MAST4: variants seen among roughly 807,000 people sequenced by gnomAD.
The protein encoded by MAST4 is microtubule-associated serine/threonine-protein kinase 4.
In MAST4, 89 loss-of-function variants were observed where a neutral mutation model predicts 162.7. The observed-to-expected ratio is 0.55, with a 90% CI of 0.46 to 0.65. The LOEUF is 0.65. Among genes scored for constraint, MAST4 ranks in the 30% least tolerant of loss-of-function variants. MAST4 has a pLI of 0.00. For synonymous variants in MAST4, 1,479 were observed against 1,361.1 expected, an observed-to-expected ratio of 1.09 and a Z score of -1.91; for missense variants, 3,153 against 3,374.0, an observed-to-expected ratio of 0.93 and a Z score of 1.62.
At chr5:66,775,450 A>G (rs1395479478) in intron 2 of MAST4, among the ~76,000 whole-genome samples, 2 of 152,226 alleles carry the variant, frequency 1.3e-5, no homozygotes, top group Non-Finnish European at 2.9e-5. Flanking sequence ...AGAAGTTGTC[A>G]GTGGCTAAAT....
At position 66,759,854 on chromosome 5, in the gene MAST4, C is replaced by A. The variant is rs1441290148; in HGVS notation, c.509C>A (p.Ala170Asp). The A allele has an allele frequency of 1.9e-6, 3 of 1,613,702 alleles. No homozygotes were observed. Among genetic ancestry groups the A allele is most frequent in the Non-Finnish European group, 1.7e-6 (2 of 1,179,842 alleles). ...CTAAGGCGAGGGAGCCTGGGAGGAG[C>A]CCTGACTGGTGAGTCGCAGCGGCTT... is the stretch of plus-strand genomic sequence containing the variant. ...RQLRRGSLGGALTGRYLLPNP... is the reference protein window; with the variant it reads ...RQLRRGSLGGDLTGRYLLPNP... The change falls in exon 2 of 29, where the codon GCC becomes GAC. Residue 170 changes from alanine to aspartate, a missense_variant. Coordinates refer to ENST00000403625, the MANE Select transcript of MAST4 (RefSeq NM_001164664.2).
chr5:66,758,184 G>A (rs1187711827), intron 1 of MAST4, among the ~76,000 whole-genome samples: 2 of 151,836 alleles, frequency 1.3e-5, no homozygotes, highest in Non-Finnish European at 2.9e-5. Flanking sequence ...GACCGGCAAT[G>A]AGTGTGAGAT....
chr5:66,802,487 A>G (rs1385799405), intron 3 of MAST4, among the ~76,000 whole-genome samples: 2 of 152,176 alleles, frequency 1.3e-5, no homozygotes, highest in Non-Finnish European at 2.9e-5. Context: ...TAGCATTTCT[A>G]TCGTTGACTT....
At chr5:66,671,115 T>G (rs1473291434) in intron 1 of MAST4, among the ~76,000 whole-genome samples, 2 of 152,236 alleles carry the variant, frequency 1.3e-5, no homozygotes, top group Non-Finnish European at 2.9e-5. Context: ...TTTTCTACTT[T>G]GCACAGTTTT....
Position 67,133,536 on chromosome 5 carries a change from C to T in MAST4, c.2116C>T (p.His706Tyr). 1 of 1,613,194 alleles carries T rather than the reference C, an allele frequency of 6.2e-7. No homozygotes were observed. The change falls in exon 17 of 29, where the codon CAC becomes TAC. Residue 706 changes from histidine (H) to tyrosine (Y), a missense_variant. Physicochemically the swap from His to Tyr is moderately conservative, Grantham distance 83. Coordinates refer to ENST00000403625, the MANE Select transcript of MAST4 (RefSeq NM_001164664.2). ...TAGCTTGTTGGTTACCTCCATGGGG[C>T]ACATAAAGCTGACAGATTTTGGATT... Reference protein sequence around the residue: ...PDNLLVTSMGHIKLTDFGLSK... With the variant: ...PDNLLVTSMGYIKLTDFGLSK...
At chr5:66,986,460 G>A in intron 4 of MAST4, 1 of 1,572,406 alleles carries the variant, frequency 6.4e-7, no homozygotes, top group Non-Finnish European at 8.6e-7. Flanking sequence ...GTGTCCAAAT[G>A]CTGGGAGAAC....
chr5:66,649,427 C>G (rs1231964645), intron 1 of MAST4, among the ~76,000 whole-genome samples: 1 of 152,120 alleles, frequency 6.6e-6, no homozygotes, highest in African/African-American at 2.4e-5. Context: ...TGTAGAGGAG[C>G]AGAAGTGGGC....
intron 19 of MAST4, among the ~76,000 whole-genome samples, chr5:67,141,602 T>C (rs1333686160): frequency 6.6e-6 from 1 of 152,228 alleles, no homozygotes; most frequent in African/African-American, 2.4e-5. Flanking sequence ...AAATCTGTAA[T>C]CCACAGAATC....
intron 1 of MAST4, among the ~76,000 whole-genome samples, chr5:66,598,462 G>C (rs768289979): frequency 3.3e-5 from 5 of 152,132 alleles, no homozygotes; most frequent in African/African-American, 7.2e-5. Flanking sequence ...GCTCCAAATC[G>C]ATCCTAGCGG....
At chr5:66,983,062 T>A (rs1429434441) in intron 4 of MAST4, among the ~76,000 whole-genome samples, 1 of 152,232 alleles carries the variant, frequency 6.6e-6, no homozygotes, top group East Asian at 1.9e-4. Flanking sequence ...AATATTGCCT[T>A]GACTATGTAG....
chr5:67,086,565 A>G (rs1288689619), intron 5 of MAST4, among the ~76,000 whole-genome samples: 2 of 152,236 alleles, frequency 1.3e-5, no homozygotes. Flanking sequence ...TTACTTTACC[A>G]GGTCAGAAAC....
At chr5:66,860,846 A>C (rs1273353456) in intron 3 of MAST4, among the ~76,000 whole-genome samples, 2 of 150,988 alleles carry the variant, frequency 1.3e-5, no homozygotes, top group African/African-American at 4.9e-5. Context: ...TTTGCATGCC[A>C]CTAGGCGCCT....
chr5:66,625,891 A>T (rs1744393571), intron 1 of MAST4, among the ~76,000 whole-genome samples: 1 of 152,176 alleles, frequency 6.6e-6, no homozygotes, highest in Non-Finnish European at 1.5e-5. Context: ...CCTAAATGTC[A>T]CTCAACAGAT....
chr5:66,979,181 G>C lies in MAST4; in HGVS notation c.675-75223G>C, dbSNP rs541717121. 2.0e-5 allele frequency among the ~76,000 whole-genome samples: 3 copies of C among 152,292 alleles called. No homozygotes were observed. The East Asian group carries it at 5.8e-4, about 29-fold the overall frequency. ...TATCGAACCTAAAAATGATGGCACA[G>C]CAGCCAAGTAGAAAGGTCCAGCCTG... On this transcript the variant is annotated intron_variant, in intron 4 of 28. Transcript: ENST00000403625.
intron 5 of MAST4, among the ~76,000 whole-genome samples, chr5:67,061,256 A>G (rs1029915679): frequency 6.6e-6 from 1 of 152,350 alleles, no homozygotes; most frequent in East Asian, 1.9e-4. Flanking sequence ...AGTGTTGAAG[A>G]GTCCATCAGT....
At chr5:67,046,862 C>CT (rs1757434603) in intron 4 of MAST4, among the ~76,000 whole-genome samples, 1 of 152,028 alleles carries the variant, frequency 6.6e-6, no homozygotes, top group South Asian at 2.1e-4. Context: ...CAATTAATGC[C>CT]TTTAGAAGAG....
In MAST4 at chr5:67,149,536, G is replaced by A; in HGVS notation, c.3242G>A (p.Gly1081Glu). Reference sequence around the variant, plus strand: ...AGCACAGAAAAAAAGAAAATCTCGGGGAAAGTCACAAAGTCCCTCTCTGCC... The same window carrying A: ...AGCACAGAAAAAAAGAAAATCTCGGAGAAAGTCACAAAGTCCCTCTCTGCC... ...LESTEKKKIS[G>E]KVTKSLSASA... Residue 1081 changes from glycine to glutamate, a missense_variant, in exon 24 of 29, where the codon GGG becomes GAG. Gly to Glu is a moderately conservative substitution (Grantham distance 98, BLOSUM62 -2). Around this residue, in one of 7 missense-constraint regions of MAST4, gnomAD observed 619 missense variants for 744.2 expected, o/e 0.83. Transcript: ENST00000403625. 1.2e-6 allele frequency: 2 copies of A among 1,613,690 alleles called. No individual in the cohort carries two copies. The highest frequency in any genetic ancestry group is 1.1e-5 in the South Asian group (1 of 90,970).
At chr5:66,777,682 G>C (rs761653632) in intron 2 of MAST4, among the ~76,000 whole-genome samples, 2 of 152,168 alleles carry the variant, frequency 1.3e-5, no homozygotes, top group Admixed American at 6.5e-5. Context: ...GGATTGAGAA[G>C]TCAGACTGTG....
intron 1 of MAST4, chr5:66,623,227 A>T (rs1361719029): frequency 6.6e-6 from 1 of 152,222 alleles, no homozygotes; most frequent in African/African-American, 2.4e-5. Context: ...TCAAAAAACT[A>T]ATACCAAGCC....
Sources: gnomAD v4.1 joint callset for allele counts (sites outside exome capture counted in the v4.1 genomes callset) on GRCh38, gnomAD v4.1.1 for gene constraint, gnomAD v4.1.1 regional missense constraint, MANE v1.5 for transcripts, NCBI Gene and HGNC (gene_info 2026-07-23, HGNC 2026-07-21) for gene names.